Variants in TRAF5 observed in about 807,000 individuals in gnomAD.
The protein encoded by TRAF5 is TNF receptor associated factor 5.
TRAF5 carries 48 observed loss-of-function variants against 64.5 expected under a neutral mutation model. That is an observed-to-expected ratio of 0.74 (90% CI 0.59 to 0.95). TRAF5 has a LOEUF of 0.95. TRAF5 is among the 40% of genes least tolerant of loss of function. The probability of loss-of-function intolerance (pLI) is 0.00; values close to 1 mark genes in which losing one functional copy is unlikely to be tolerated. For missense variants in TRAF5, 545 were observed against 662.8 expected, an observed-to-expected ratio of 0.82 and a Z score of 1.95; for synonymous variants, 206 against 240.5, an observed-to-expected ratio of 0.86 and a Z score of 1.33.
chr1:211,367,472 A>C (rs1021723352), intron 8 of TRAF5, among the ~76,000 whole-genome samples: 2 of 152,232 alleles, frequency 1.3e-5, no homozygotes, highest in African/African-American at 2.4e-5. Flanking sequence ...TACAATGCCT[A>C]ACACATAATA....
chr1:211,372,911 CTCT>C lies in TRAF5; in HGVS notation c.*211_*213del. 4 of 443,526 alleles carry C rather than the reference CTCT, an allele frequency of 9.0e-6. No individual in the cohort carries two copies. Among genetic ancestry groups the C allele is most frequent in the African/African-American group, 4.1e-5 (2 of 49,286 alleles). The allele number at this position is 443,526 out of a possible 1,614,324, so 27.5% of individuals were successfully genotyped here. A position where few individuals can be genotyped will look rare whatever the true frequency, so the allele number is the denominator to read the frequency against. On this transcript the variant is annotated 3_prime_UTR_variant, in exon 11 of 11. Transcript: ENST00000261464. ...TGAAACTTAAAACTCTTAGAATATT[CTCT>C]TATTATTTATATTTTTATATTTCTT...
At chr1:211,350,336 C>T (rs746934330) in intron 1 of TRAF5, among the ~76,000 whole-genome samples, 7 of 151,878 alleles carry the variant, frequency 4.6e-5, no homozygotes, top group Non-Finnish European at 1.0e-4. Context: ...CCTGCCTCAG[C>T]CTCCCAGGTA....
chr1:211,372,558 A>G lies in TRAF5; in HGVS notation c.1530A>G (p.Arg510=). The G allele has an allele frequency of 6.2e-7, 1 of 1,614,150 alleles. No individual in the cohort carries two copies. Among genetic ancestry groups the G allele is most frequent in the South Asian group, 1.1e-5 (1 of 91,080 alleles). Reference sequence around the variant, plus strand: ...ACCCCAATAGCAGCAGCTTTAAAAGACCTGATGGGGAGATGAACATTGCAT... The same window carrying G: ...ACCCCAATAGCAGCAGCTTTAAAAGGCCTGATGGGGAGATGAACATTGCAT... ...KPDPNSSSFK[R]PDGEMNIASG... Residue 510 remains arginine, a synonymous_variant, in exon 11 of 11, where the codon AGA becomes AGG. Transcript: ENST00000261464.
chr1:211,353,931 TG>T (rs1295203823), intron 2 of TRAF5, among the ~76,000 whole-genome samples: 1 of 152,112 alleles, frequency 6.6e-6, no homozygotes, highest in Non-Finnish European at 1.5e-5. Flanking sequence ...AGGTACACTT[TG>T]GGGGGTTATA....
intron 2 of TRAF5, among the ~76,000 whole-genome samples, chr1:211,353,937 G>T (rs114836474): frequency 0.025 from 3,766 of 152,264 alleles, 123 homozygotes; most frequent in African/African-American, 0.083. Context: ...ACTTTGGGGG[G>T]TTATATAGGA....
At chr1:211,334,940 A>G (rs776130923) in intron 1 of TRAF5, among the ~76,000 whole-genome samples, 13 of 152,214 alleles carry the variant, frequency 8.5e-5, no homozygotes, top group Non-Finnish European at 1.6e-4. Context: ...ACAAAGAACC[A>G]GAAGACCTGG....
chr1:211,355,802 T>C (rs1397252820), intron 3 of TRAF5, among the ~76,000 whole-genome samples: 2 of 152,258 alleles, frequency 1.3e-5, no homozygotes, highest in Non-Finnish European at 2.9e-5. Context: ...GAAGAAAGTT[T>C]GGTGACATGT....
intron 1 of TRAF5, among the ~76,000 whole-genome samples, chr1:211,350,211 TTTC>T (rs1702741841): frequency 6.6e-6 from 1 of 151,976 alleles, no homozygotes; most frequent in Admixed American, 6.5e-5. Context: ...CTTTTTTTTT[TTTC>T]TTTCTTTTTT....
intron 9 of TRAF5, among the ~76,000 whole-genome samples, chr1:211,370,487 A>G (rs1463828285): frequency 6.6e-6 from 1 of 152,150 alleles, no homozygotes; most frequent in East Asian, 1.9e-4. Flanking sequence ...ATACATTAAT[A>G]TGCACAGATG....
intron 1 of TRAF5, among the ~76,000 whole-genome samples, chr1:211,341,659 G>A (rs1702450718): frequency 6.6e-6 from 1 of 152,170 alleles, no homozygotes; most frequent in East Asian, 1.9e-4. Flanking sequence ...CTGGGAATGG[G>A]AAGGAGAGAG....
intron 1 of TRAF5, among the ~76,000 whole-genome samples, chr1:211,332,883 T>C (rs1010131197): frequency 6.6e-6 from 1 of 152,260 alleles, no homozygotes; most frequent in Non-Finnish European, 1.5e-5. Flanking sequence ...GTCAGTACTT[T>C]GGGATGTTGC....
chr1:211,334,615 A>T (rs1169468842), intron 1 of TRAF5, among the ~76,000 whole-genome samples: 1 of 152,122 alleles, frequency 6.6e-6, no homozygotes, highest in East Asian at 1.9e-4. Flanking sequence ...CCGAGATCGC[A>T]CCACTGCACT....
intron 2 of TRAF5, 53 bp from the exon 3 acceptor site, chr1:211,354,357 A>G: frequency 1.3e-6 from 2 of 1,577,032 alleles, no homozygotes; most frequent in Middle Eastern, 1.7e-4. Context: ...GGTCTTGGAA[A>G]TGCTGTTGAG....
chr1:211,349,054 A>AAG (rs1483371815), intron 1 of TRAF5, among the ~76,000 whole-genome samples: 1 of 150,908 alleles, frequency 6.6e-6, no homozygotes, highest in Non-Finnish European at 1.5e-5. Context: ...AAAAAAAAAA[A>AAG]AAAATTAGCC....
At position 211,372,861 on chromosome 1, in the gene TRAF5, T is replaced by C. The variant is rs1703585553; in HGVS notation, c.*159T>C. 1 of 600,956 alleles carries C rather than the reference T, an allele frequency of 1.7e-6. No individual in the cohort carries two copies. The highest frequency in any genetic ancestry group is 2.8e-5 in the East Asian group (1 of 36,020). The allele number at this position is 600,956 out of a possible 1,614,324, so 37.2% of individuals were successfully genotyped here. On this transcript the variant is annotated 3_prime_UTR_variant, in exon 11 of 11. Coordinates refer to ENST00000261464, the MANE Select transcript of TRAF5 (RefSeq NM_001033910.3). ...GTTTAAAACTTCTGAAGTGCTGTCT[T>C]TTTACATTTTACTCTGTCCCAGTTT...
intron 1 of TRAF5, among the ~76,000 whole-genome samples, chr1:211,327,871 T>C (rs973532247): frequency 6.6e-6 from 1 of 152,200 alleles, no homozygotes; most frequent in African/African-American, 2.4e-5. Context: ...CCTTGGGCTC[T>C]GACCCACCTC....
Position 211,372,123 on chromosome 1 carries a change from TGCA to T in TRAF5, c.1100-2_1100del. 1 of 1,529,612 alleles carries T rather than the reference TGCA, an allele frequency of 6.5e-7. No homozygotes were observed. The highest frequency in any genetic ancestry group is 1.3e-5 in the South Asian group (1 of 78,504). The allele number at this position is 1,529,612 out of a possible 1,614,324, so 94.8% of individuals were successfully genotyped here. On this transcript the variant is annotated splice_acceptor_variant and splice_polypyrimidine_tract_variant and intron_variant, in intron 10 of 10. Coordinates refer to ENST00000261464, the MANE Select transcript of TRAF5 (RefSeq NM_001033910.3). LOFTEE classifies it high-confidence loss of function. ...ATCTTTTTTTTTTTTTTTTCTTATTTGCAGCCGTTTTAGAAGAGGAAACTAACA... is the reference window on the plus strand; with the variant it reads ...ATCTTTTTTTTTTTTTTTTCTTATTTGCCGTTTTAGAAGAGGAAACTAACA...
chr1:211,357,494 A>G (rs1245936328), intron 4 of TRAF5: 1 of 152,236 alleles, frequency 6.6e-6, no homozygotes, highest in Non-Finnish European at 1.5e-5. Context: ...CAAATGGACC[A>G]TTGAACAGCT....
intron 1 of TRAF5, among the ~76,000 whole-genome samples, chr1:211,347,686 C>T (rs902320928): frequency 6.6e-6 from 1 of 152,206 alleles, no homozygotes; most frequent in South Asian, 2.1e-4. Context: ...GTCACATGTG[C>T]TGTGTCTGCC....
Sources: gnomAD v4.1 joint callset for allele counts (sites outside exome capture counted in the v4.1 genomes callset) on GRCh38, gnomAD v4.1.1 for gene constraint, MANE v1.5 for transcripts, NCBI Gene and HGNC (gene_info 2026-07-23, HGNC 2026-07-21) for gene names.